TDRD12: variants seen among roughly 807,000 people sequenced by gnomAD.
The protein encoded by TDRD12 is tudor domain containing 12.
A neutral mutation model predicts 133.5 loss-of-function variants in TDRD12; 158 were observed. The observed-to-expected ratio is 1.18, with a 90% CI of 1.04 to 1.35. TDRD12 has a LOEUF of 1.35. Ranked by LOEUF, TDRD12 falls within the 40% of genes most tolerant of loss-of-function variation. TDRD12 has a pLI of 0.00. For synonymous variants in TDRD12, 460 were observed against 477.9 expected (o/e 0.96, Z 0.49); for missense variants, 1,443 against 1,321.3 (o/e 1.09, Z -1.43).
chr19:32,719,902 C>A lies in TDRD12; in HGVS notation c.-171C>A. ...CCGACCCCGGGGTCCGCGAGGGCTC[C>A]TGGGGACGAGGAGTGTGGGGCACCT... is the stretch of plus-strand genomic sequence containing the variant. On this transcript the variant is annotated 5_prime_UTR_variant, in exon 1 of 28. It adds an upstream start codon to the 5' untranslated region. Coordinates refer to ENST00000444215, the Ensembl canonical transcript of TDRD12. 1 of 764,902 alleles carries A rather than the reference C, an allele frequency of 1.3e-6. No homozygotes were observed. Among genetic ancestry groups the A allele is most frequent in the Non-Finnish European group, 2.1e-6 (1 of 470,944 alleles). 47.4% of individuals were successfully genotyped at this position (764,902 alleles called of 1,614,324 possible).
chr19:32,731,220 C>A (rs1249886289), intron 1 of TDRD12, among the ~76,000 whole-genome samples: 3 of 151,910 alleles, frequency 2.0e-5, no homozygotes, highest in East Asian at 1.9e-4. Context: ...TTATTATGAG[C>A]AGAATGTACT....
At chr19:32,782,945 T>A (rs1369097391) in intron 11 of TDRD12, among the ~76,000 whole-genome samples, 1 of 152,252 alleles carries the variant, frequency 6.6e-6, no homozygotes, top group Non-Finnish European at 1.5e-5. Flanking sequence ...TTTCTTTTGC[T>A]GCGCAGAAGC....
intron 3 of TDRD12, 70 bp from the exon 4 acceptor site, chr19:32,742,710 AG>A: frequency 7.1e-7 from 1 of 1,400,620 alleles, no homozygotes; most frequent in Non-Finnish European, 9.6e-7. Flanking sequence ...TTAATAAAAT[AG>A]GTATACTTTA....
intron 1 of TDRD12, among the ~76,000 whole-genome samples, chr19:32,722,938 C>T (rs1205745126): frequency 6.6e-6 from 1 of 152,130 alleles, no homozygotes; most frequent in Non-Finnish European, 1.5e-5. Flanking sequence ...CCTCGGCCTC[C>T]CAAACTGCTG....
At chr19:32,753,519 T>G (rs907428281) in intron 6 of TDRD12, among the ~76,000 whole-genome samples, 9 of 151,986 alleles carry the variant, frequency 5.9e-5, no homozygotes, top group Non-Finnish European at 1.3e-4. Flanking sequence ...TCTTTTTTTT[T>G]TCCTGAAACG....
At chr19:32,794,628 G>C (rs770743043) in exon 14 of TDRD12, 1 of 701,782 alleles carries the variant, frequency 1.4e-6, no homozygotes, top group East Asian at 2.7e-5. Flanking sequence ...TGTTTTGTAG[G>C]CTCTTCAAAG....
intron 8 of TDRD12, among the ~76,000 whole-genome samples, chr19:32,763,959 T>C (rs1599554609): frequency 6.6e-6 from 1 of 152,182 alleles, no homozygotes; most frequent in Non-Finnish European, 1.5e-5. Context: ...GTTCAGCTTT[T>C]TACTTGTTGT....
intron 11 of TDRD12, 58 bp downstream of exon 11, chr19:32,777,287 A>ATCG: frequency 9.2e-7 from 1 of 1,082,122 alleles, no homozygotes; most frequent in Non-Finnish European, 1.3e-6. Flanking sequence ...TAAAATTATA[A>ATCG]ACAAGAGAAA....
intron 8 of TDRD12, among the ~76,000 whole-genome samples, chr19:32,763,201 T>G (rs1361874619): frequency 1.3e-5 from 2 of 152,184 alleles, no homozygotes; most frequent in Admixed American, 6.5e-5. Flanking sequence ...ATTGCCCTTG[T>G]TTTTTTGTTC....
At chr19:32,777,123 A>G in intron 10 of TDRD12, 26 bp from the exon 11 acceptor site, 1 of 1,468,184 alleles carries the variant, frequency 6.8e-7, no homozygotes, top group Admixed American at 2.3e-5. Context: ...CACAAATTTT[A>G]ATGAATTTTT....
chr19:32,769,934 C>G (rs1013454583), intron 8 of TDRD12, among the ~76,000 whole-genome samples: 1 of 151,996 alleles, frequency 6.6e-6, no homozygotes, highest in African/African-American at 2.4e-5. Flanking sequence ...CTGTGCCCAG[C>G]CTTGTTGTGA....
chr19:32,739,261 T>TTGCATCTCCTGGCTGCTCTC (rs1969318201), intron 3 of TDRD12, among the ~76,000 whole-genome samples: 1 of 151,924 alleles, frequency 6.6e-6, no homozygotes, highest in Non-Finnish European at 1.5e-5. Context: ...ATGGTGTTCT[T>TTGCATCTCCTGGCTGCTCTC]TGCATCTCCT....
intron 4 of TDRD12, among the ~76,000 whole-genome samples, chr19:32,743,611 G>A (rs1393115427): frequency 6.6e-6 from 1 of 152,044 alleles, no homozygotes; most frequent in African/African-American, 2.4e-5. Context: ...CTCCTGGGAG[G>A]CCTCTGTGAT....
intron 11 of TDRD12, among the ~76,000 whole-genome samples, chr19:32,777,891 T>G (rs867300930): frequency 9.4e-4 from 96 of 101,888 alleles, no homozygotes; most frequent in African/African-American, 3.0e-3. Flanking sequence ...TTTTTTTTTT[T>G]GTAGGACGAG....
At chr19:32,740,101 T>A (rs996183787) in intron 3 of TDRD12, among the ~76,000 whole-genome samples, 1 of 129,782 alleles carries the variant, frequency 7.7e-6, no homozygotes, top group African/African-American at 3.0e-5. Context: ...TCCTGGGCAC[T>A]CTCTGCATCT....
chr19:32,791,945 T>TAA (rs33969319), intron 13 of TDRD12, among the ~76,000 whole-genome samples: 3 of 143,052 alleles, frequency 2.1e-5, no homozygotes, highest in South Asian at 2.3e-4. Context: ...GCCTTCACCT[T>TAA]AAAAAAAAAA....
chr19:32,746,682 T>G (rs1377654779), intron 4 of TDRD12, among the ~76,000 whole-genome samples: 3 of 125,272 alleles, frequency 2.4e-5, no homozygotes, highest in Admixed American at 8.2e-5. Context: ...GACTGGCTGA[T>G]GTGGTTATTC....
At chr19:32,729,778 CTTTTTTTTTTTTTTTTTT>C (rs1162347194) in intron 1 of TDRD12, among the ~76,000 whole-genome samples, 1 of 73,660 alleles carries the variant, frequency 1.4e-5, no homozygotes, top group African/African-American at 5.9e-5. Context: ...TTTTCTTTTT[CTTTTTTTTTTTTTTTTTT>C]TTTTTTTTTT....
At chr19:32,790,997 G>A (rs1971054045) in exon 13 of TDRD12, 2 of 1,535,992 alleles carry the variant, frequency 1.3e-6, no homozygotes, top group African/African-American at 2.7e-5. Context: ...GCCGCCCGTG[G>A]TAGTGCTCCG....
Sources: gnomAD v4.1 joint callset for allele counts (sites outside exome capture counted in the v4.1 genomes callset) on GRCh38, gnomAD v4.1.1 for gene constraint, MANE v1.5 for transcripts, NCBI Gene and HGNC (gene_info 2026-07-23, HGNC 2026-07-21) for gene names.